Variants in TAF3 observed in about 807,000 individuals in gnomAD.
TAF3 encodes the protein TATA-box binding protein associated factor 3, also known as transcription initiation factor TFIID subunit 3.
Under a neutral mutation model 80.6 loss-of-function variants are expected in TAF3, and 7 were observed. The ratio of observed to expected loss-of-function variants is 0.09; its 90% CI spans 0.05 to 0.16. The LOEUF (loss-of-function observed/expected upper bound fraction) is 0.16. TAF3 is among the 10% of genes least tolerant of loss of function. The pLI, the probability that TAF3 is intolerant of heterozygous loss-of-function variation, is 1.00. For missense variants in TAF3, 921 were observed against 1,140.2 expected (o/e 0.81, Z 2.77); for synonymous variants, 444 against 446.1 (o/e 1.00, Z 0.06).
rs773053146 is a variant in TAF3, at chr10:7,824,532, C to T, written c.381C>T (p.Tyr127=). The T allele has an allele frequency of 6.2e-7, 1 of 1,614,110 alleles. No individual in the cohort carries two copies. The highest frequency in any genetic ancestry group is 1.1e-5 in the South Asian group (1 of 91,078). Residue 127 remains tyrosine, a synonymous_variant, in exon 2 of 7, where the codon TAC becomes TAT. Coordinates refer to ENST00000344293, the MANE Select transcript of TAF3 (RefSeq NM_031923.4). ...AEERKEYIPD[Y]LPPIVSSQEE... Reference sequence around the variant, plus strand: ...AAAGAAAAGAATACATTCCTGATTACCTGCCACCCATTGTGTCTTCTCAAG... The same window carrying T: ...AAAGAAAAGAATACATTCCTGATTATCTGCCACCCATTGTGTCTTCTCAAG...
chr10:7,894,374 G>A (rs1290013180), intron 2 of TAF3, among the ~76,000 whole-genome samples: 2 of 152,194 alleles, frequency 1.3e-5, no homozygotes, highest in East Asian at 1.9e-4. Flanking sequence ...AATCCATCAA[G>A]TACTCGTTGC....
At chr10:7,896,288 C>T (rs1219933838) in intron 2 of TAF3, among the ~76,000 whole-genome samples, 5 of 152,154 alleles carry the variant, frequency 3.3e-5, no homozygotes, top group Admixed American at 3.3e-4. Context: ...GGGGGGAAAA[C>T]GTAGACCAAA....
chr10:7,907,086 G>A (rs1837614372), intron 2 of TAF3, among the ~76,000 whole-genome samples: 1 of 152,128 alleles, frequency 6.6e-6, no homozygotes, highest in Admixed American at 6.5e-5. Flanking sequence ...CTGTAGGATT[G>A]AATAACTTAC....
At position 7,818,589 on chromosome 10, in the gene TAF3, T is replaced by C. The variant is rs2131092664; in HGVS notation, c.-121T>C. 1 of 1,160,864 alleles carries C rather than the reference T, an allele frequency of 8.6e-7. No individual in the cohort carries two copies. Among genetic ancestry groups the C allele is most frequent in the Non-Finnish European group, 1.1e-6 (1 of 870,894 alleles). The allele number at this position is 1,160,864 out of a possible 1,614,324, so 71.9% of individuals were successfully genotyped here. On this transcript the variant is annotated 5_prime_UTR_variant, in exon 1 of 7. Transcript: ENST00000344293. ...GGGGCTTTGAGGTGGTCGCCGGGGG[T>C]CCGGGGGACCCTTTCCCCGCCGCGG...
At chr10:7,976,947 G>A (rs1191257604) in intron 3 of TAF3, among the ~76,000 whole-genome samples, 1 of 152,040 alleles carries the variant, frequency 6.6e-6, no homozygotes, top group East Asian at 1.9e-4. Flanking sequence ...AATGATCTAG[G>A]TAACAATTTT....
chr10:7,957,792 G>GCTCTCTCT (rs373350330), intron 2 of TAF3, among the ~76,000 whole-genome samples: 8,806 of 133,848 alleles, frequency 0.066, 409 homozygotes, highest in Non-Finnish European at 0.094. Context: ...TCTCTCTAGC[G>GCTCTCTCT]CGCTCTCTCT....
chr10:7,863,564 C>G (rs187104851), intron 2 of TAF3, among the ~76,000 whole-genome samples: 4 of 140,626 alleles, frequency 2.8e-5, no homozygotes, highest in Non-Finnish European at 4.6e-5. Context: ...GAGCTGAGAT[C>G]GCCCCACTGC....
At chr10:7,933,112 C>G (rs905104513) in intron 2 of TAF3, among the ~76,000 whole-genome samples, 1 of 152,048 alleles carries the variant, frequency 6.6e-6, no homozygotes. Flanking sequence ...AAAAAAAATA[C>G]CTGGCTACTT....
intron 2 of TAF3, among the ~76,000 whole-genome samples, chr10:7,949,861 G>A (rs1381546375): frequency 6.6e-6 from 1 of 152,202 alleles, no homozygotes; most frequent in African/African-American, 2.4e-5. Flanking sequence ...AGGAGTAACA[G>A]TCAAGTTCAC....
intron 2 of TAF3, among the ~76,000 whole-genome samples, chr10:7,886,262 G>C (rs913539537): frequency 6.6e-6 from 1 of 152,110 alleles, no homozygotes; most frequent in Non-Finnish European, 1.5e-5. Flanking sequence ...AGCCACATTA[G>C]ACATAACCAG....
chr10:7,954,689 A>ACAGAGCT (rs1838118117), intron 2 of TAF3, among the ~76,000 whole-genome samples: 3 of 139,966 alleles, frequency 2.1e-5, no homozygotes, highest in African/African-American at 7.7e-5. Context: ...CCTAGTTAAC[A>ACAGAGCT]CAGAGCTCTC....
chr10:7,991,366 GT>G (rs747331587), intron 4 of TAF3, among the ~76,000 whole-genome samples: 3 of 151,798 alleles, frequency 2.0e-5, no homozygotes, highest in Non-Finnish European at 4.4e-5. Flanking sequence ...ATTTATTAAT[GT>G]TTTTGTAACT....
chr10:7,991,371 T>G (rs958620239), intron 4 of TAF3, among the ~76,000 whole-genome samples: 6 of 152,220 alleles, frequency 3.9e-5, no homozygotes, highest in Admixed American at 3.9e-4. Flanking sequence ...TTAATGTTTT[T>G]GTAACTAATT....
At chr10:7,984,981 A>G (rs1022741012) in intron 4 of TAF3, among the ~76,000 whole-genome samples, 1 of 152,168 alleles carries the variant, frequency 6.6e-6, no homozygotes, top group African/African-American at 2.4e-5. Flanking sequence ...AATCCTTTGC[A>G]TTCTGTTATT....
intron 3 of TAF3, among the ~76,000 whole-genome samples, chr10:7,972,880 C>T (rs1831634475): frequency 6.6e-6 from 1 of 152,154 alleles, no homozygotes; most frequent in Admixed American, 6.5e-5. Flanking sequence ...TTACAACTAA[C>T]CCCAGCCATC....
At chr10:7,879,297 T>TA (rs1837338434) in intron 2 of TAF3, among the ~76,000 whole-genome samples, 1 of 152,158 alleles carries the variant, frequency 6.6e-6, no homozygotes, top group Non-Finnish European at 1.5e-5. Context: ...ATTACAAACT[T>TA]ACCTATGAAA....
intron 4 of TAF3, among the ~76,000 whole-genome samples, chr10:7,985,698 T>G (rs1831769382): frequency 6.6e-6 from 1 of 152,086 alleles, no homozygotes; most frequent in African/African-American, 2.4e-5. Flanking sequence ...GTTTGGACAC[T>G]GTCCCCTAAG....
chr10:7,992,972 T>G (rs1831848696), intron 4 of TAF3, among the ~76,000 whole-genome samples: 1 of 152,188 alleles, frequency 6.6e-6, no homozygotes, highest in Non-Finnish European at 1.5e-5. Context: ...TATGGTTATT[T>G]TCTCATATAA....
At chr10:7,829,157 T>C (rs575412597) in intron 2 of TAF3, among the ~76,000 whole-genome samples, 1 of 152,296 alleles carries the variant, frequency 6.6e-6, no homozygotes, top group African/African-American at 2.4e-5. Flanking sequence ...AGAGTTTCTA[T>C]TTTTTAAAAT....
Sources: gnomAD v4.1 joint callset for allele counts (sites outside exome capture counted in the v4.1 genomes callset) on GRCh38, gnomAD v4.1.1 for gene constraint, MANE v1.5 for transcripts, NCBI Gene and HGNC (gene_info 2026-07-23, HGNC 2026-07-21) for gene names.